ZMIZ1: variants seen among roughly 807,000 people sequenced by gnomAD.
The protein encoded by ZMIZ1 is zinc finger MIZ domain-containing protein 1.
ZMIZ1 carries 17 observed loss-of-function variants against 113.9 expected under a neutral mutation model. The observed-to-expected ratio is 0.15, with a 90% CI of 0.10 to 0.22. The LOEUF (loss-of-function observed/expected upper bound fraction) is 0.22. Ranked by LOEUF, ZMIZ1 falls within the 10% of genes least tolerant of loss-of-function variation. ZMIZ1 has a pLI of 1.00. For synonymous variants in ZMIZ1, 607 were observed against 603.1 expected, an observed-to-expected ratio of 1.01 and a Z score of -0.09; for missense variants, 1,059 against 1,477.8, an observed-to-expected ratio of 0.72 and a Z score of 4.65.
chr10:79,113,351 G>T (rs1043425547), intron 1 of ZMIZ1, among the ~76,000 whole-genome samples: 3 of 152,246 alleles, frequency 2.0e-5, no homozygotes, highest in Non-Finnish European at 4.4e-5. Context: ...TGGCTTAGGT[G>T]TCCTGAGTCA....
intron 2 of ZMIZ1, among the ~76,000 whole-genome samples, chr10:79,126,307 C>G (rs1844509601): frequency 6.6e-6 from 1 of 152,194 alleles, no homozygotes; most frequent in African/African-American, 2.4e-5. Flanking sequence ...TGCCCTTCCC[C>G]TCATCAGCCC....
intron 7 of ZMIZ1, 145 bp downstream of exon 7, chr10:79,216,419 C>T (rs767292500): frequency 4.7e-6 from 3 of 633,402 alleles, no homozygotes; most frequent in East Asian, 3.4e-5. Context: ...GCAACTCATC[C>T]ACCAGGCTCT....
chr10:79,305,830 C>G (rs1255537621), intron 21 of ZMIZ1, among the ~76,000 whole-genome samples: 1 of 152,154 alleles, frequency 6.6e-6, no homozygotes, highest in South Asian at 2.1e-4. Flanking sequence ...GACAGTGCCC[C>G]GCCCCGACCC....
intron 1 of ZMIZ1, among the ~76,000 whole-genome samples, chr10:79,106,190 A>G (rs1843550102): frequency 6.6e-6 from 1 of 152,234 alleles, no homozygotes; most frequent in Non-Finnish European, 1.5e-5. Context: ...CTGAGGGTCT[A>G]AGCTTGACAC....
intron 7 of ZMIZ1, among the ~76,000 whole-genome samples, chr10:79,248,742 G>C (rs1274512953): frequency 6.6e-6 from 1 of 152,168 alleles, no homozygotes; most frequent in African/African-American, 2.4e-5. Flanking sequence ...CTGCTCTCCT[G>C]GAAAAGAGAG....
At chr10:79,158,946 G>A (rs1399293800) in intron 3 of ZMIZ1, among the ~76,000 whole-genome samples, 1 of 152,212 alleles carries the variant, frequency 6.6e-6, no homozygotes, top group Non-Finnish European at 1.5e-5. Flanking sequence ...CACTGTGAGA[G>A]TGAGGGGTGT....
chr10:79,290,429 C>G (rs1244814023), intron 9 of ZMIZ1, among the ~76,000 whole-genome samples: 3 of 152,228 alleles, frequency 2.0e-5, no homozygotes, highest in African/African-American at 7.2e-5. Context: ...ATGGAAGGCT[C>G]AGGGCTGCTT....
Position 79,223,593 on chromosome 10 carries a change from C to T in ZMIZ1, c.280+7319C>T, listed in dbSNP as rs143439633. ...AGTGGACGAAACCTGTTCACGCGCTCACCTCCCTCTGTTTCAGTGCCGTGG... is the reference window on the plus strand; with the variant it reads ...AGTGGACGAAACCTGTTCACGCGCTTACCTCCCTCTGTTTCAGTGCCGTGG... On this transcript the variant is annotated intron_variant, in intron 7 of 24. Coordinates refer to ENST00000334512, the MANE Select transcript of ZMIZ1 (RefSeq NM_020338.4). Among the ~76,000 whole-genome samples, 245 of 152,370 alleles carry T rather than the reference C, an allele frequency of 1.6e-3. 1 individual carries two copies. Among genetic ancestry groups the T allele is most frequent in the Middle Eastern group, 3.4e-3 (1 of 294 alleles).
At chr10:79,207,107 C>T (rs1163405105) in intron 5 of ZMIZ1, among the ~76,000 whole-genome samples, 2 of 152,202 alleles carry the variant, frequency 1.3e-5, no homozygotes, top group South Asian at 2.1e-4. Flanking sequence ...TGTGGATTCC[C>T]GTAGCTCCCC....
chr10:79,118,104 A>T lies in ZMIZ1; in HGVS notation c.-336-811A>T, dbSNP rs1285272918. On this transcript the variant is annotated intron_variant, in intron 1 of 24. Coordinates refer to ENST00000334512, the MANE Select transcript of ZMIZ1 (RefSeq NM_020338.4). The surrounding 1 kb of genome is among the most constrained non-coding windows in gnomAD (Gnocchi z 4.1). ...CAGCCTTGCCTTTCACCATGGGAGG[A>T]ACCCTTTCCCTCTCAGGGCCTCAGT... Among the ~76,000 whole-genome samples, 2 of 152,160 alleles carry T rather than the reference A, an allele frequency of 1.3e-5. No individual in the cohort carries two copies. The highest frequency in any genetic ancestry group is 4.8e-5 in the African/African-American group (2 of 41,438).
At chr10:79,141,250 T>G (rs544903677) in intron 3 of ZMIZ1, among the ~76,000 whole-genome samples, 1 of 152,296 alleles carries the variant, frequency 6.6e-6, no homozygotes, top group South Asian at 2.1e-4. Context: ...CAGGAACTCT[T>G]TAAGTTCAGA....
chr10:79,165,948 CTGTGTGTGTGTGTGTGTGTGTG>C (rs1174980856), intron 4 of ZMIZ1, among the ~76,000 whole-genome samples: 12 of 59,828 alleles, frequency 2.0e-4, no homozygotes, highest in African/African-American at 9.3e-4. Flanking sequence ...CCCAGCTCAG[CTGTGTGTGTGTGTGTGTGTGTG>C]TGTGTGTGTG....
At chr10:79,307,682 T>C in intron 23 of ZMIZ1, 111 bp downstream of exon 23, 1 of 1,279,700 alleles carries the variant, frequency 7.8e-7, no homozygotes, top group South Asian at 1.4e-5. Flanking sequence ...GAATTGGGTG[T>C]GTGGGCTCAG....
Position 79,311,258 on chromosome 10 carries a change from G to T in ZMIZ1, c.3096+74G>T. On this transcript the variant is annotated intron_variant, in intron 24 of 24. Transcript: ENST00000334512. ...GGGACCTGCCCGAGAGAAGGGGTGG[G>T]TGTGAGGGCTCGAGGCCCCGAAGGG... The T allele has an allele frequency of 2.1e-6, 3 of 1,400,270 alleles. No individual in the cohort carries two copies. In the African/African-American group the frequency reaches 4.3e-5, roughly 20 times the overall value. 86.7% of individuals were successfully genotyped at this position (1,400,270 alleles called of 1,614,324 possible).
At chr10:79,209,441 G>A (rs553312328) in intron 6 of ZMIZ1, among the ~76,000 whole-genome samples, 1 of 152,346 alleles carries the variant, frequency 6.6e-6, no homozygotes, top group East Asian at 1.9e-4. Context: ...GTCCATATGT[G>A]TGATGACCAG....
intron 21 of ZMIZ1, 53 bp from the exon 22 acceptor site, chr10:79,306,047 T>C (rs1854669136): frequency 6.3e-7 from 1 of 1,580,076 alleles, no homozygotes; most frequent in Non-Finnish European, 8.6e-7. Flanking sequence ...GGTGCTTTTA[T>C]GCCCAAAGCC....
At chr10:79,172,432 TATG>T (rs1281312609) in intron 4 of ZMIZ1, among the ~76,000 whole-genome samples, 1 of 152,148 alleles carries the variant, frequency 6.6e-6, no homozygotes, top group Admixed American at 6.5e-5. Flanking sequence ...TGGTCATGGT[TATG>T]ATAATAGTAA....
At chr10:79,080,529 G>A (rs1204726805) in intron 1 of ZMIZ1, among the ~76,000 whole-genome samples, 2 of 151,964 alleles carry the variant, frequency 1.3e-5, no homozygotes, top group Non-Finnish European at 2.9e-5. Flanking sequence ...GGCTGGTCTC[G>A]AACTCCTGAC....
chr10:79,075,214 A>T lies in ZMIZ1; in HGVS notation c.-337+5944A>T, dbSNP rs879822092. Reference sequence around the variant, plus strand: ...TCGTGTTTTTCTGTAGAAACTGAGTATCGCAGACTGTCAGAGTGGACATAG... The same window carrying T: ...TCGTGTTTTTCTGTAGAAACTGAGTTTCGCAGACTGTCAGAGTGGACATAG... On this transcript the variant is annotated intron_variant, in intron 1 of 24. Transcript: ENST00000334512. Among the ~76,000 whole-genome samples, 350 of 152,272 alleles carry T rather than the reference A, an allele frequency of 2.3e-3. 2 individuals carry two copies. Among genetic ancestry groups the T allele is most frequent in the Non-Finnish European group, 4.2e-3 (285 of 68,006 alleles).
Sources: allele counts gnomAD v4.1 joint callset (sites outside exome capture counted in the v4.1 genomes callset), GRCh38; gene constraint gnomAD v4.1.1; non-coding constraint Gnocchi (gnomAD v3.1); transcripts MANE v1.5; gene names NCBI Gene and HGNC (gene_info 2026-07-23, HGNC 2026-07-21).